Variants in ANKRD50 observed in about 807,000 individuals in gnomAD.
The protein encoded by ANKRD50 is ankyrin repeat domain-containing protein 50.
In ANKRD50, 40 loss-of-function variants were observed where a neutral mutation model predicts 112.0. The observed-to-expected ratio is 0.36, with a 90% CI of 0.28 to 0.46. The LOEUF is 0.46. Ranked by LOEUF, ANKRD50 falls within the 20% of genes least tolerant of loss-of-function variation. The pLI is 1.00. For synonymous variants in ANKRD50, 613 were observed against 619.1 expected, an observed-to-expected ratio of 0.99 and a Z score of 0.15; for missense variants, 1,487 against 1,701.7, an observed-to-expected ratio of 0.87 and a Z score of 2.22.
chr4:124,701,026 G>A (rs1037479189), intron 2 of ANKRD50, among the ~76,000 whole-genome samples: 2 of 152,102 alleles, frequency 1.3e-5, no homozygotes, highest in African/African-American at 2.4e-5. Context: ...GTGCAATGCC[G>A]TGATCTCAGC....
In ANKRD50 at chr4:124,687,187, G is replaced by A. The variant is rs143202606; in HGVS notation, c.513-8282C>T. 3.3e-3 allele frequency among the ~76,000 whole-genome samples: 498 copies of A among 152,282 alleles called. 2 individuals carry two copies. The highest frequency in any genetic ancestry group is 0.011 in the African/African-American group (454 of 41,578). The stretch of plus-strand genomic sequence containing the variant: ...GATTAATAAAAATTCTGGAAACAGA[G>A]CAGCATAAATATAGGAACATGATTT... On this transcript the variant is annotated intron_variant, in intron 2 of 4. Transcript: ENST00000504087.
chr4:124,688,818 T>C (rs1285886166), intron 2 of ANKRD50, among the ~76,000 whole-genome samples: 1 of 152,180 alleles, frequency 6.6e-6, no homozygotes, highest in Non-Finnish European at 1.5e-5. Context: ...GACCAACAAT[T>C]GGCGCCTTAT....
chr4:124,676,651 A>G (rs1219982938), intron 3 of ANKRD50, among the ~76,000 whole-genome samples: 2 of 151,782 alleles, frequency 1.3e-5, no homozygotes, highest in Non-Finnish European at 3.0e-5. Flanking sequence ...AGTAAAAAAT[A>G]GTGTATATGG....
intron 3 of ANKRD50, among the ~76,000 whole-genome samples, chr4:124,676,364 T>C (rs2110511593): frequency 6.6e-6 from 1 of 151,710 alleles, no homozygotes; most frequent in South Asian, 2.1e-4. Context: ...ATAATAATAA[T>C]GATGGCAAAG....
chr4:124,683,401 C>A (rs1009414539), intron 2 of ANKRD50, among the ~76,000 whole-genome samples: 1 of 151,684 alleles, frequency 6.6e-6, no homozygotes, highest in African/African-American at 2.4e-5. Context: ...TCAGGGTAAT[C>A]GTGGTACCTA....
chr4:124,698,434 A>C (rs1160359351), intron 2 of ANKRD50, among the ~76,000 whole-genome samples: 1 of 151,818 alleles, frequency 6.6e-6, no homozygotes, highest in African/African-American at 2.4e-5. Context: ...TTTTTATTAT[A>C]TAGGAAGCCA....
Position 124,672,104 on chromosome 4 carries a change from G to T in ANKRD50, c.1173C>A (p.Ile391=). The change falls in exon 4 of 5, where the codon ATC becomes ATA. Residue 391 remains isoleucine (I), a synonymous_variant. Transcript: ENST00000504087. ...TLEDFQRKLD[I]LSKLLVDGLG... is the part of the protein sequence containing the mutation. ...GTCCATCAACAAGAAGTTTGGAGAGGATATCTAACTTGCGTTGAAAATCTT... is the reference window on the plus strand; with the variant it reads ...GTCCATCAACAAGAAGTTTGGAGAGTATATCTAACTTGCGTTGAAAATCTT... The T allele has an allele frequency of 6.2e-7, 1 of 1,613,834 alleles. No individual in the cohort carries two copies. The highest frequency in any genetic ancestry group is 8.5e-7 in the Non-Finnish European group (1 of 1,179,834).
rs1216989979 is a variant in ANKRD50 at position 124,710,670 on chromosome 4, C to T, written c.-159G>A. The T allele has an allele frequency of 9.2e-6, 8 of 868,238 alleles. No individual in the cohort carries two copies. In the East Asian group the frequency reaches 1.0e-4, roughly 11 times the overall value. The allele number at this position is 868,238 out of a possible 1,614,324, so 53.8% of individuals were successfully genotyped here. On this transcript the variant is annotated 5_prime_UTR_variant, in exon 2 of 5. It removes an upstream start codon present in the reference 5' UTR. Coordinates refer to ENST00000504087, the MANE Select transcript of ANKRD50 (RefSeq NM_020337.3). Reference sequence around the variant, plus strand: ...AGAGTTCCTCTGTCAACAGAACGTGCATGACTTTATTTGGTTCCTTATTCT... The same window carrying T: ...AGAGTTCCTCTGTCAACAGAACGTGTATGACTTTATTTGGTTCCTTATTCT...
At chr4:124,703,669 T>TG (rs540796925) in intron 2 of ANKRD50, among the ~76,000 whole-genome samples, 7 of 123,072 alleles carry the variant, frequency 5.7e-5, no homozygotes, top group Admixed American at 1.6e-4. Flanking sequence ...AATTTCCAGG[T>TG]TTTTTTTTTT....
intron 2 of ANKRD50, among the ~76,000 whole-genome samples, chr4:124,705,745 A>G (rs1172271995): frequency 6.6e-6 from 1 of 152,220 alleles, no homozygotes; most frequent in Non-Finnish European, 1.5e-5. Context: ...TTATAATTAT[A>G]GGACTACTAG....
chr4:124,710,378 T>G lies in ANKRD50; in HGVS notation c.134A>C (p.Asn45Thr). ...HCLQEKSNCC[N>T]SAVNAPSLVM... is the part of the protein sequence containing the mutation. ...AAGTGATGGTGCATTGACAGCACTA[T>G]TGCAGCAGTTACTTTTCTCCTGGAG... The change falls in exon 2 of 5, where the codon AAT becomes ACT. Residue 45 changes from asparagine to threonine, a missense_variant. This residue lies in a region of ANKRD50 where 1,046 missense variants were observed against 1,269.5 expected (regional missense o/e 0.82). Coordinates refer to ENST00000504087, the MANE Select transcript of ANKRD50 (RefSeq NM_020337.3). 6.2e-7 allele frequency: 1 copy of G among 1,614,250 alleles called. No homozygotes were observed. The highest frequency in any genetic ancestry group is 8.5e-7 in the Non-Finnish European group (1 of 1,180,048).
intron 2 of ANKRD50, among the ~76,000 whole-genome samples, chr4:124,689,382 T>C (rs990152004): frequency 1.3e-5 from 2 of 152,172 alleles, no homozygotes; most frequent in African/African-American, 4.8e-5. Flanking sequence ...TCATTTTATG[T>C]GCCAACTTGA....
rs190508791 is a variant in ANKRD50 at position 124,693,235 on chromosome 4, A to C, written c.513-14330T>G. On this transcript the variant is annotated intron_variant, in intron 2 of 4. Coordinates refer to ENST00000504087, the MANE Select transcript of ANKRD50 (RefSeq NM_020337.3). Reference sequence around the variant, plus strand: ...AAATTAGCTGAAAATATTTTTGTGGAAGAAATAATATTGTAACTTTTAAGG... The same window carrying C: ...AAATTAGCTGAAAATATTTTTGTGGCAGAAATAATATTGTAACTTTTAAGG... Among the ~76,000 whole-genome samples the C allele has an allele frequency of 3.1e-3, 470 of 152,302 alleles. 1 individual carries two copies. Among genetic ancestry groups the C allele is most frequent in the African/African-American group, 0.011 (445 of 41,578 alleles).
chr4:124,706,051 T>C (rs1725497033), intron 2 of ANKRD50, among the ~76,000 whole-genome samples: 1 of 152,162 alleles, frequency 6.6e-6, no homozygotes, highest in South Asian at 2.1e-4. Context: ...AATGTTTAAA[T>C]GTTCATGTGT....
chr4:124,706,643 T>A (rs1436255038), intron 2 of ANKRD50, among the ~76,000 whole-genome samples: 1 of 152,116 alleles, frequency 6.6e-6, no homozygotes, highest in Non-Finnish European at 1.5e-5. Flanking sequence ...CAACTTTCTA[T>A]AACTATTAAA....
intron 2 of ANKRD50, among the ~76,000 whole-genome samples, chr4:124,689,355 T>G (rs977905959): frequency 6.6e-6 from 1 of 152,180 alleles, no homozygotes; most frequent in Non-Finnish European, 1.5e-5. Context: ...ACTCAGCTCC[T>G]AGGTGCTTGT....
chr4:124,671,113 G>A lies in ANKRD50; in HGVS notation c.2164C>T (p.Pro722Ser). 1 of 1,613,750 alleles carries A rather than the reference G, an allele frequency of 6.2e-7. No individual in the cohort carries two copies. The highest frequency in any genetic ancestry group is 1.1e-5 in the South Asian group (1 of 91,076). ...TALSVAALCV[P>S]ASKGHASVVS... is the part of the protein sequence containing the mutation. ...ACTGATGCGTGCCCTTTACTTGCAG[G>A]CACACAAAGTGCAGCTACAGAGAGT... The change falls in exon 4 of 5, where the codon CCT becomes TCT. Residue 722 changes from proline to serine, a missense_variant. Pro to Ser is a moderately conservative substitution (Grantham distance 74). Transcript: ENST00000504087.
At position 124,710,517 on chromosome 4, in the gene ANKRD50, G is replaced by A. The variant is rs755920782; in HGVS notation, c.-6C>T. On this transcript the variant is annotated 5_prime_UTR_variant, in exon 2 of 5. Coordinates refer to ENST00000504087, the MANE Select transcript of ANKRD50 (RefSeq NM_020337.3). ...TCTTCCCAAGGATTAGTCATAACGG[G>A]TTTTTTATCTTCATTTGCTAGAGTC... The A allele has an allele frequency of 6.2e-7, 1 of 1,604,062 alleles. No homozygotes were observed. The highest frequency in any genetic ancestry group is 2.2e-5 in the East Asian group (1 of 44,812).
chr4:124,672,625 A>C (rs1343861831), intron 3 of ANKRD50, 91 bp from the exon 4 acceptor site: 9 of 860,622 alleles, frequency 1.0e-5, no homozygotes, highest in Admixed American at 3.4e-5. Context: ...TATAATAAAT[A>C]AATCAATTAA....
Sources: gnomAD v4.1 joint callset for allele counts (sites outside exome capture counted in the v4.1 genomes callset) on GRCh38, gnomAD v4.1.1 for gene constraint, gnomAD v4.1.1 regional missense constraint, MANE v1.5 for transcripts, NCBI Gene and HGNC (gene_info 2026-07-23, HGNC 2026-07-21) for gene names.